The following DSC2 variants were observed in gnomAD, a reference collection of about 807,000 sequenced individuals.
DSC2 encodes desmocollin-2.
Under a neutral mutation model 87.6 loss-of-function variants are expected in DSC2, and 51 were observed. That is an observed-to-expected ratio of 0.58 (90% confidence interval 0.46 to 0.74). DSC2 has a LOEUF of 0.74. Among genes scored for constraint, DSC2 ranks in the 30% least tolerant of loss-of-function variants. The probability of loss-of-function intolerance (pLI) is 0.00; values close to 1 mark genes in which losing one functional copy is unlikely to be tolerated. For missense variants in DSC2, 1,066 were observed against 1,089.5 expected, an observed-to-expected ratio of 0.98 and a Z score of 0.30; for synonymous variants, 383 against 393.2, an observed-to-expected ratio of 0.97 and a Z score of 0.31.
In DSC2 at chr18:31,086,692, T is replaced by C; in HGVS notation, c.826A>G (p.Met276Val). The change falls in exon 7 of 16, where the codon ATG (methionine) becomes GTG (valine). Residue 276 changes from methionine (M) to valine (V), a missense_variant. Physicochemically the swap from Met to Val is conservative, Grantham distance 21 (BLOSUM62 1). Coordinates refer to ENST00000280904, the MANE Select transcript of DSC2 (RefSeq NM_024422.6). Reference sequence around the variant, plus strand: ...ATGGAGTACTTCAGGCGTGTGTGCATCGTGTCAGGCTCATCTTTGTCAGTA... The same window carrying C: ...ATGGAGTACTTCAGGCGTGTGTGCACCGTGTCAGGCTCATCTTTGTCAGTA... ...CATDKDEPDT[M>V]HTRLKYSIIG... The C allele has an allele frequency of 6.2e-7, 1 of 1,614,116 alleles. No individual in the cohort carries two copies. Among genetic ancestry groups the C allele is most frequent in the Non-Finnish European group, 8.5e-7 (1 of 1,180,012 alleles).
rs1004351611 is a variant in DSC2, at chr18:31,068,094, T to A, written c.2627A>T (p.Gln876Leu). The A allele has an allele frequency of 1.2e-6, 2 of 1,614,066 alleles. No homozygotes were observed. The highest frequency in any genetic ancestry group is 3.3e-5 in the Admixed American group (2 of 60,016). ...CAAAAATTCAAGCCCATCTTCTTCT[T>A]GTCGTTCACTGCAACAACCTACAGA... ...AGSVGCCSERQEEDGLEFLDN... is the reference protein window; with the variant it reads ...AGSVGCCSERLEEDGLEFLDN... The change falls in exon 16 of 16, where the codon CAA becomes CTA. Residue 876 changes from glutamine (Q) to leucine (L), a missense_variant. Coordinates refer to ENST00000280904, the MANE Select transcript of DSC2 (RefSeq NM_024422.6).
chr18:31,079,317 G>C (rs371771943), intron 11 of DSC2, among the ~76,000 whole-genome samples: 19 of 152,056 alleles, frequency 1.2e-4, no homozygotes, highest in Non-Finnish European at 2.6e-4. Flanking sequence ...GCAGTGGCGC[G>C]ATCTTGGCTA....
intron 7 of DSC2, 57 bp downstream of exon 7, chr18:31,086,519 A>G (rs1335408008): frequency 6.3e-7 from 1 of 1,593,842 alleles, no homozygotes; most frequent in East Asian, 2.2e-5. Context: ...TACAGGAGTT[A>G]TACAGGTACT....
chr18:31,101,949 C>T lies in DSC2; in HGVS notation c.23G>A (p.Gly8Asp). ...CCGGCAGAGGGCTCCGTTCCAGGAG[C>T]CGGAGGGGCGGGCTGCCTCCATGGA... is the stretch of plus-strand genomic sequence containing the variant. MEAARPS[G>D]SWNGALCRLL... The change falls in exon 1 of 16, where the codon GGC (glycine) becomes GAC (aspartate). Residue 8 changes from glycine (G) to aspartate (D), a missense_variant. By Grantham distance (94) the Gly-to-Asp change is moderately conservative. Transcript: ENST00000280904. The T allele has an allele frequency of 6.5e-7, 1 of 1,527,774 alleles. No homozygotes were observed. The highest frequency in any genetic ancestry group is 8.7e-7 in the Non-Finnish European group (1 of 1,142,902). 94.6% of individuals were successfully genotyped at this position (1,527,774 alleles called of 1,614,324 possible). A position where few individuals can be genotyped will look rare whatever the true frequency, so the allele number is the denominator to read the frequency against.
rs79044795 is a variant in DSC2 at position 31,083,975 on chromosome 18, T to C, written c.943-915A>G. 2.0e-3 allele frequency among the ~76,000 whole-genome samples: 300 copies of C among 152,274 alleles called. 1 individual carries two copies. The highest frequency in any genetic ancestry group is 6.7e-3 in the African/African-American group (280 of 41,576). On this transcript the variant is annotated intron_variant, in intron 7 of 15. Coordinates refer to ENST00000280904, the MANE Select transcript of DSC2 (RefSeq NM_024422.6). ...AAATAAGAGACACAATCTTGGGCAA[T>C]TGGAAAATTCACTTTGTCTAGGTTT...
chr18:31,101,782 C>T, intron 1 of DSC2, 121 bp downstream of exon 1: 1 of 956,206 alleles, frequency 1.0e-6, no homozygotes, highest in Non-Finnish European at 1.5e-6. Flanking sequence ...TTTCTAGCCA[C>T]CCAGAGGCCC....
rs1452624041 is a variant in DSC2, at chr18:31,064,748, T to G, written c.*3267A>C. ...TTTAAGGAGGTGAAAAACAAGATGATTCTAGGCACAAAGAAGGGAAAGCAT... is the reference window on the plus strand; with the variant it reads ...TTTAAGGAGGTGAAAAACAAGATGAGTCTAGGCACAAAGAAGGGAAAGCAT... On this transcript the variant is annotated 3_prime_UTR_variant, in exon 16 of 16. Transcript: ENST00000280904. The G allele has an allele frequency of 6.6e-6, 1 of 152,100 alleles. No individual in the cohort carries two copies. The highest frequency in any genetic ancestry group is 1.5e-5 in the Non-Finnish European group (1 of 68,044). The allele number at this position is 152,100 out of a possible 1,614,324, so 9.4% of individuals were successfully genotyped here.
chr18:31,101,709 G>T, intron 1 of DSC2, 194 bp downstream of exon 1: 1 of 603,232 alleles, frequency 1.7e-6, no homozygotes, highest in South Asian at 2.0e-5. Flanking sequence ...TTCCCTTGGG[G>T]ATCCCAACTC....
chr18:31,093,505 C>A, intron 2 of DSC2, 54 bp downstream of exon 2: 1 of 1,370,406 alleles, frequency 7.3e-7, no homozygotes, highest in Non-Finnish European at 1.0e-6. Flanking sequence ...TATTCCATGG[C>A]GTATATGTAC....
rs112843985 is a variant in DSC2, at chr18:31,068,687, T to A, written c.2508+207A>T. ...AATCTCATCACACATTATTTAGTAATTCTTTCAATTAAAAAAATAGGAGGG... is the reference window on the plus strand; with the variant it reads ...AATCTCATCACACATTATTTAGTAAATCTTTCAATTAAAAAAATAGGAGGG... On this transcript the variant is annotated intron_variant, in intron 15 of 15. Coordinates refer to ENST00000280904, the MANE Select transcript of DSC2 (RefSeq NM_024422.6). Among the ~76,000 whole-genome samples, 1,573 of 152,230 alleles carry A rather than the reference T, an allele frequency of 0.01. 27 individuals are homozygous for A. Among genetic ancestry groups the A allele is most frequent in the African/African-American group, 0.036 (1,484 of 41,514 alleles).
rs1484220144 is a variant in DSC2, at chr18:31,064,581, G to A, written c.*3434C>T. 6.6e-6 allele frequency: 1 copy of A among 152,148 alleles called. No individual in the cohort carries two copies. Among genetic ancestry groups the A allele is most frequent in the Non-Finnish European group, 1.5e-5 (1 of 68,036 alleles). 9.4% of individuals were successfully genotyped at this position (152,148 alleles called of 1,614,324 possible). On this transcript the variant is annotated 3_prime_UTR_variant, in exon 16 of 16. Transcript: ENST00000280904. Reference sequence around the variant, plus strand: ...GGGCACCATTGTGTAAATAACTCAGGAGAACCTGATTTGATGTGGTAGTAT... The same window carrying A: ...GGGCACCATTGTGTAAATAACTCAGAAGAACCTGATTTGATGTGGTAGTAT...
intron 13 of DSC2, 93 bp from the exon 14 acceptor site, chr18:31,070,943 A>G (rs1289877092): frequency 1.4e-6 from 2 of 1,449,090 alleles, no homozygotes; most frequent in Non-Finnish European, 9.5e-7. Context: ...TCATAAACTT[A>G]AAAGTGTATA....
At position 31,089,901 on chromosome 18, in the gene DSC2, T is replaced by C. The variant is rs567799654; in HGVS notation, c.475-307A>G. ...CTTCCTGTCTTAGAAAACAAAGTAT[T>C]CTGAGCATGGAAAATTATTCTGTCG... is the stretch of plus-strand genomic sequence containing the variant. On this transcript the variant is annotated intron_variant, in intron 4 of 15. Transcript: ENST00000280904. 1.1e-4 allele frequency among the ~76,000 whole-genome samples: 17 copies of C among 152,230 alleles called. No homozygotes were observed. In the South Asian group the frequency reaches 2.9e-3, roughly 26 times the overall value.
chr18:31,081,177 A>T (rs544927702), intron 9 of DSC2, among the ~76,000 whole-genome samples: 1 of 152,344 alleles, frequency 6.6e-6, no homozygotes, highest in South Asian at 2.1e-4. Context: ...AGGAAGAGAA[A>T]AAAATGGGTA....
rs1263028229 is a variant in DSC2 at position 31,064,061 on chromosome 18, G to C, written c.*3954C>G. 6.6e-6 allele frequency: 1 copy of C among 152,524 alleles called. No individual in the cohort carries two copies. Among genetic ancestry groups the C allele is most frequent in the Non-Finnish European group, 1.5e-5 (1 of 68,346 alleles). 9.4% of individuals were successfully genotyped at this position (152,524 alleles called of 1,614,324 possible). Reference sequence around the variant, plus strand: ...ACTGGCGGGGGGGAATATTGATCAGGAATGAAGTGAAGAGTGGGAACAGCT... The same window carrying C: ...ACTGGCGGGGGGGAATATTGATCAGCAATGAAGTGAAGAGTGGGAACAGCT... On this transcript the variant is annotated 3_prime_UTR_variant, in exon 16 of 16. Transcript: ENST00000280904.
In DSC2 at chr18:31,075,533, C is replaced by G. The variant is rs140203210; in HGVS notation, c.1664-626G>C. Among the ~76,000 whole-genome samples the G allele has an allele frequency of 2.8e-3, 432 of 152,292 alleles. 1 individual carries two copies. Among genetic ancestry groups the G allele is most frequent in the African/African-American group, 9.6e-3 (400 of 41,566 alleles). On this transcript the variant is annotated intron_variant, in intron 11 of 15. Transcript: ENST00000280904. ...ACTGTGGGTTGTAGCCTAAGTAATTCATCTATCTGTATATTCAATAGAAAC... is the reference window on the plus strand; with the variant it reads ...ACTGTGGGTTGTAGCCTAAGTAATTGATCTATCTGTATATTCAATAGAAAC...
At chr18:31,080,840 T>C (rs1196343395) in intron 9 of DSC2, among the ~76,000 whole-genome samples, 1 of 152,128 alleles carries the variant, frequency 6.6e-6, no homozygotes, top group Non-Finnish European at 1.5e-5. Flanking sequence ...CAGGTAGTTC[T>C]TTATAACAAT....
chr18:31,101,246 C>G (rs1987937385), intron 1 of DSC2: 1 of 985,304 alleles, frequency 1.0e-6, no homozygotes. Context: ...CGACAGTCCT[C>G]AGGAGCAAAG....
At chr18:31,087,903 T>C (rs1987459706) in intron 5 of DSC2, 90 bp from the exon 6 acceptor site, 1 of 1,299,858 alleles carries the variant, frequency 7.7e-7, no homozygotes, top group Non-Finnish European at 1.1e-6. Context: ...ACTTGGAGAC[T>C]GTTCAGAACT....
Sources: gnomAD v4.1 joint callset for allele counts (sites outside exome capture counted in the v4.1 genomes callset) on GRCh38, gnomAD v4.1.1 for gene constraint, MANE v1.5 for transcripts, NCBI Gene and HGNC (gene_info 2026-07-23, HGNC 2026-07-21) for gene names.